KLF12: variants seen among roughly 807,000 people sequenced by gnomAD.
KLF12 encodes Krueppel-like factor 12.
KLF12 carries 9 observed loss-of-function variants against 37.8 expected under a neutral mutation model. The observed-to-expected ratio is 0.24, with a 90% CI of 0.14 to 0.42. The LOEUF is 0.42. Among genes scored for constraint, KLF12 ranks in the 10% least tolerant of loss-of-function variants. The pLI is 1.00. For synonymous variants in KLF12, 208 were observed against 202.1 expected, an observed-to-expected ratio of 1.03 and a Z score of -0.25; for missense variants, 411 against 516.0, an observed-to-expected ratio of 0.80 and a Z score of 1.97.
At chr13:73,897,824 TA>T (rs1295577856) in intron 3 of KLF12, among the ~76,000 whole-genome samples, 2 of 152,218 alleles carry the variant, frequency 1.3e-5, no homozygotes, top group Non-Finnish European at 2.9e-5. Context: ...ATGCCTCTAT[TA>T]AAAAATGTTT....
At chr13:73,886,720 G>A (rs1010484239) in intron 3 of KLF12, among the ~76,000 whole-genome samples, 2 of 152,124 alleles carry the variant, frequency 1.3e-5, no homozygotes, top group Non-Finnish European at 2.9e-5. Context: ...GGCCAGGCAC[G>A]GTGGCTCACG....
intron 2 of KLF12, among the ~76,000 whole-genome samples, chr13:73,955,203 C>T (rs1890795332): frequency 6.6e-6 from 1 of 152,092 alleles, no homozygotes; most frequent in East Asian, 1.9e-4. Flanking sequence ...TTAGTAATAG[C>T]AGTAATAGTG....
the KLF12 span, among the ~76,000 whole-genome samples, chr13:74,140,131 TTAGA>T: frequency 6.6e-6 from 1 of 152,232 alleles, no homozygotes. Context: ...CAATTTTATT[TTAGA>T]TAGTTTCCTC....
intron 1 of KLF12, among the ~76,000 whole-genome samples, chr13:74,116,628 A>C (rs1361421880): frequency 1.3e-5 from 2 of 152,194 alleles, no homozygotes; most frequent in African/African-American, 4.8e-5. Context: ...CTTTTCAGAA[A>C]GTATTTTAAT....
intron 4 of KLF12, among the ~76,000 whole-genome samples, chr13:73,835,848 C>T (rs1884401807): frequency 6.6e-6 from 1 of 152,128 alleles, no homozygotes; most frequent in Admixed American, 6.5e-5. Context: ...TAAAATCACT[C>T]ATTGTGAGCT....
At chr13:74,103,096 G>A (rs1312507586) in intron 1 of KLF12, among the ~76,000 whole-genome samples, 1 of 152,232 alleles carries the variant, frequency 6.6e-6, no homozygotes, top group African/African-American at 2.4e-5. Flanking sequence ...ATGATAATGG[G>A]AGAGAGGGGT....
At chr13:73,904,651 T>A (rs1888193653) in intron 3 of KLF12, among the ~76,000 whole-genome samples, 1 of 152,106 alleles carries the variant, frequency 6.6e-6, no homozygotes, top group South Asian at 2.1e-4. Flanking sequence ...ATATTCTGGA[T>A]CATTTTATTA....
chr13:74,259,349 G>T, the KLF12 span: 1 of 152,122 alleles, frequency 6.6e-6, no homozygotes, highest in Non-Finnish European at 1.5e-5. Context: ...GATAGTAAAG[G>T]TTCTACTGAC....
chr13:74,105,642 C>T (rs984986955), intron 1 of KLF12, among the ~76,000 whole-genome samples: 3 of 152,018 alleles, frequency 2.0e-5, no homozygotes, highest in African/African-American at 7.2e-5. Context: ...CTTGGATTCA[C>T]TGAACAAGTA....
At chr13:74,050,956 T>C (rs1024892600) in intron 1 of KLF12, among the ~76,000 whole-genome samples, 37 of 152,164 alleles carry the variant, frequency 2.4e-4, no homozygotes, top group African/African-American at 8.9e-4. Context: ...CACAACTAAT[T>C]ATCAGGGAAG....
chr13:73,870,726 C>T (rs1289786942), intron 3 of KLF12, among the ~76,000 whole-genome samples: 1 of 152,194 alleles, frequency 6.6e-6, no homozygotes, highest in African/African-American at 2.4e-5. Flanking sequence ...GAGGGATAAT[C>T]ACTGAGAACA....
At chr13:74,006,588 A>G (rs866248759) in intron 1 of KLF12, among the ~76,000 whole-genome samples, 1 of 152,246 alleles carries the variant, frequency 6.6e-6, no homozygotes, top group Non-Finnish European at 1.5e-5. Flanking sequence ...TCCCCTATAC[A>G]TGATGGCTTA....
At chr13:73,846,450 C>T (rs890639135) in intron 3 of KLF12, 77 bp from the exon 4 acceptor site, 28 of 1,286,512 alleles carry the variant, frequency 2.2e-5, no homozygotes, top group South Asian at 2.9e-5. Flanking sequence ...ACCACTTGAA[C>T]GTTTATTACT....
intron 2 of KLF12, among the ~76,000 whole-genome samples, chr13:73,990,657 T>C (rs1305148841): frequency 1.3e-5 from 2 of 152,208 alleles, no homozygotes; most frequent in African/African-American, 4.8e-5. Flanking sequence ...AGATTCTGTT[T>C]CAAGTTAAAT....
At chr13:73,897,959 A>C (rs574029357) in intron 3 of KLF12, among the ~76,000 whole-genome samples, 1 of 152,308 alleles carries the variant, frequency 6.6e-6, no homozygotes, top group Admixed American at 6.5e-5. Flanking sequence ...AGTTTCAGAT[A>C]TTCTGAACTT....
chr13:73,962,227 GT>G (rs1414500908), intron 2 of KLF12, among the ~76,000 whole-genome samples: 15 of 152,098 alleles, frequency 9.9e-5, no homozygotes, highest in Admixed American at 9.8e-4. Context: ...TAAAAAGCCA[GT>G]CTGAAAAGGT....
intron 4 of KLF12, among the ~76,000 whole-genome samples, chr13:73,823,534 A>T (rs1192183567): frequency 1.3e-5 from 2 of 152,238 alleles, no homozygotes; most frequent in African/African-American, 4.8e-5. Flanking sequence ...CTGCAAGGTT[A>T]AAGATAAGTC....
At chr13:73,711,661 C>T (rs1875406756) in intron 7 of KLF12, among the ~76,000 whole-genome samples, 1 of 152,168 alleles carries the variant, frequency 6.6e-6, no homozygotes, top group Non-Finnish European at 1.5e-5. Flanking sequence ...TGACAATGCA[C>T]CTGGTCACCC....
chr13:73,716,964 G>A (rs911800113), intron 6 of KLF12, among the ~76,000 whole-genome samples: 4 of 151,996 alleles, frequency 2.6e-5, no homozygotes, highest in African/African-American at 4.8e-5. Flanking sequence ...ATAAAGTAAC[G>A]GTGCATTTTA....
Sources: gnomAD v4.1 joint callset for allele counts (sites outside exome capture counted in the v4.1 genomes callset) on GRCh38, gnomAD v4.1.1 for gene constraint, MANE v1.5 for transcripts, NCBI Gene and HGNC (gene_info 2026-07-23, HGNC 2026-07-21) for gene names.